NAB1: variants seen among roughly 807,000 people sequenced by gnomAD.
NAB1 encodes NGFI-A binding protein 1, also known as NGFI-A-binding protein 1.
A neutral mutation model predicts 49.9 loss-of-function variants in NAB1; 25 were observed. That is an observed-to-expected ratio of 0.50 (90% confidence interval 0.37 to 0.70). The LOEUF (loss-of-function observed/expected upper bound fraction) is 0.70, where lower values mean the gene tolerates loss of function less well. Among genes scored for constraint, NAB1 ranks in the 30% least tolerant of loss-of-function variants. NAB1 has a pLI of 0.00. For synonymous variants in NAB1, 198 were observed against 215.6 expected (o/e 0.92, Z 0.71); for missense variants, 489 against 575.9 (o/e 0.85, Z 1.54).
chr2:190,651,359 C>T lies in NAB1; in HGVS notation c.-197+1377C>T, dbSNP rs550883757. Among the ~76,000 whole-genome samples, 23 of 152,288 alleles carry T rather than the reference C, an allele frequency of 1.5e-4. No homozygotes were observed. Among genetic ancestry groups the T allele is most frequent in the Non-Finnish European group, 2.9e-4 (20 of 68,020 alleles). Reference sequence around the variant, plus strand: ...ATGTTTATTCTCCTTGTTAGAGAAACACTGAAAGCATTAGGTATTTTCATC... The same window carrying T: ...ATGTTTATTCTCCTTGTTAGAGAAATACTGAAAGCATTAGGTATTTTCATC... On this transcript the variant is annotated intron_variant, in intron 2 of 9. Transcript: ENST00000337386. This position sits in a 1 kb window ranked among gnomAD's most constrained non-coding sequence, Gnocchi z 4.3.
intron 2 of NAB1, among the ~76,000 whole-genome samples, chr2:190,653,151 C>T (rs1290076046): frequency 6.6e-6 from 1 of 152,130 alleles, no homozygotes; most frequent in Non-Finnish European, 1.5e-5. Context: ...CTCTCGTGTA[C>T]CCATTTCACC....
At position 190,654,305 on chromosome 2, in the gene NAB1, A is replaced by G. The variant is rs914997164; in HGVS notation, c.-196-1672A>G. ...CTGCTTCTTGTCTCTCCTTGCTCTTAACTGACTCTCCATGAAGGACTGTCT... is the reference window on the plus strand; with the variant it reads ...CTGCTTCTTGTCTCTCCTTGCTCTTGACTGACTCTCCATGAAGGACTGTCT... On this transcript the variant is annotated intron_variant, in intron 2 of 9. Transcript: ENST00000337386. This position sits in a 1 kb window ranked among gnomAD's most constrained non-coding sequence, Gnocchi z 5.6. 1.3e-5 allele frequency among the ~76,000 whole-genome samples: 2 copies of G among 152,240 alleles called. No homozygotes were observed. Among genetic ancestry groups the G allele is most frequent in the Non-Finnish European group, 2.9e-5 (2 of 68,012 alleles).
chr2:190,659,144 T>TC lies in NAB1; in HGVS notation c.-19-14_-19-13insC. On this transcript the variant is annotated splice_polypyrimidine_tract_variant and intron_variant, in intron 3 of 9. Transcript: ENST00000337386. The surrounding 1 kb of genome is among the most constrained non-coding windows in gnomAD (Gnocchi z 6.2). The stretch of plus-strand genomic sequence containing the variant: ...AGTATGATGAGTTTTTACTTTTTTT[T>TC]TTTTTTTTGGCAGGTTAAACCCATC... 2.1e-6 allele frequency: 3 copies of TC among 1,440,976 alleles called. No homozygotes were observed. Among genetic ancestry groups the TC allele is most frequent in the Non-Finnish European group, 2.8e-6 (3 of 1,087,040 alleles). The allele number at this position is 1,440,976 out of a possible 1,614,324, so 89.3% of individuals were successfully genotyped here.
chr2:190,687,890 A>G (rs1695698335), intron 9 of NAB1, among the ~76,000 whole-genome samples: 1 of 152,222 alleles, frequency 6.6e-6, no homozygotes, highest in Admixed American at 6.5e-5. Flanking sequence ...GATGGACTAC[A>G]TGTTTGCTTT....
Position 190,663,011 on chromosome 2 carries a change from C to T in NAB1, c.819+3016C>T, listed in dbSNP as rs1485065991. 2.0e-5 allele frequency among the ~76,000 whole-genome samples: 3 copies of T among 152,172 alleles called. No homozygotes were observed. The South Asian group carries it at 6.2e-4, about 32-fold the overall frequency. ...TTTCAGAGGAGGCCAGCAATTTCACCTTTGAGAGAGGAGGAATGCTGAATC... is the reference window on the plus strand; with the variant it reads ...TTTCAGAGGAGGCCAGCAATTTCACTTTTGAGAGAGGAGGAATGCTGAATC... On this transcript the variant is annotated intron_variant, in intron 4 of 9. Transcript: ENST00000337386. The surrounding 1 kb of genome is among the most constrained non-coding windows in gnomAD (Gnocchi z 4.2).
At position 190,691,814 on chromosome 2, in the gene NAB1, A is replaced by C. The variant is rs1695944261; in HGVS notation, c.*1481A>C. ...CTAGATCATAATTGTAAAAAATATT[A>C]AGTCATAATCTGTTACACTAAAATT... On this transcript the variant is annotated 3_prime_UTR_variant, in exon 10 of 10. Transcript: ENST00000337386. The surrounding 1 kb of genome is among the most constrained non-coding windows in gnomAD (Gnocchi z 4.1). The C allele has an allele frequency of 6.6e-6, 1 of 152,162 alleles. No homozygotes were observed. The highest frequency in any genetic ancestry group is 2.1e-4 in the South Asian group (1 of 4,838). 9.4% of individuals were successfully genotyped at this position (152,162 alleles called of 1,614,324 possible).
At chr2:190,653,390 C>A (rs939757085) in intron 2 of NAB1, among the ~76,000 whole-genome samples, 1 of 152,182 alleles carries the variant, frequency 6.6e-6, no homozygotes, top group Non-Finnish European at 1.5e-5. Context: ...CTTAACTCTT[C>A]CCAAGGTTTT....
chr2:190,684,904 C>G lies in NAB1; in HGVS notation c.1096-572C>G, dbSNP rs114823434. ...TTTTATGATTGGTTGGGAAATACTG[C>G]AGTTTCATTTCATGATGAAGGTAAA... On this transcript the variant is annotated intron_variant, in intron 7 of 9. Coordinates refer to ENST00000337386, the MANE Select transcript of NAB1 (RefSeq NM_005966.4). This position sits in a 1 kb window ranked among gnomAD's most constrained non-coding sequence, Gnocchi z 4.6. 1.8e-3 allele frequency among the ~76,000 whole-genome samples: 267 copies of G among 152,246 alleles called. No homozygotes were observed. The highest frequency in any genetic ancestry group is 0.014 in the Middle Eastern group (4 of 294).
chr2:190,669,864 A>G lies in NAB1; in HGVS notation c.820-462A>G, dbSNP rs1341887481. ...TCTGTTTTTTACTAAGTGATTTGATAAATGTTTAAAATCATATGGTCTTGA... is the reference window on the plus strand; with the variant it reads ...TCTGTTTTTTACTAAGTGATTTGATGAATGTTTAAAATCATATGGTCTTGA... On this transcript the variant is annotated intron_variant, in intron 4 of 9. Transcript: ENST00000337386. This position sits in a 1 kb window ranked among gnomAD's most constrained non-coding sequence, Gnocchi z 4.3. Among the ~76,000 whole-genome samples, 1 of 152,190 alleles carries G rather than the reference A, an allele frequency of 6.6e-6. No individual in the cohort carries two copies. Among genetic ancestry groups the G allele is most frequent in the African/African-American group, 2.4e-5 (1 of 41,452 alleles).
At chr2:190,673,861 A>G (rs1196397883) in intron 6 of NAB1, among the ~76,000 whole-genome samples, 1 of 152,214 alleles carries the variant, frequency 6.6e-6, no homozygotes, top group Non-Finnish European at 1.5e-5. Flanking sequence ...TTTCAGAACT[A>G]TTGTTTCTTA....
Position 190,676,037 on chromosome 2 carries a change from C to A in NAB1, c.1005+2885C>A, listed in dbSNP as rs895135135. On this transcript the variant is annotated intron_variant, in intron 6 of 9. Coordinates refer to ENST00000337386, the MANE Select transcript of NAB1 (RefSeq NM_005966.4). The surrounding 1 kb of genome is among the most constrained non-coding windows in gnomAD (Gnocchi z 4.6). ...ACTGGCTGTATAAAGTTACCACTCC[C>A]TTAAAACTTTTCACCAAGTACTGGT... Among the ~76,000 whole-genome samples, 4 of 152,206 alleles carry A rather than the reference C, an allele frequency of 2.6e-5. No homozygotes were observed. Among genetic ancestry groups the A allele is most frequent in the Non-Finnish European group, 5.9e-5 (4 of 68,040 alleles).
chr2:190,661,975 T>C (rs1349824087), intron 4 of NAB1, among the ~76,000 whole-genome samples: 2 of 152,242 alleles, frequency 1.3e-5, no homozygotes, highest in African/African-American at 4.8e-5. Context: ...TTAGGTATTA[T>C]GAGAATTTTG....
rs1439888055 is a variant in NAB1 at position 190,677,507 on chromosome 2, G to A, written c.1005+4355G>A. The A allele has an allele frequency of 6.6e-6, 1 of 152,176 alleles. No homozygotes were observed. The highest frequency in any genetic ancestry group is 1.5e-5 in the Non-Finnish European group (1 of 68,024). 9.4% of individuals were successfully genotyped at this position (152,176 alleles called of 1,614,324 possible). ...TCCACTGGAACACAGCCCTCTGTGA[G>A]TCCACTTTCAGCTGAAATGAAAATA... On this transcript the variant is annotated intron_variant, in intron 6 of 9. Transcript: ENST00000337386. The surrounding 1 kb of genome is among the most constrained non-coding windows in gnomAD (Gnocchi z 5.6).
In NAB1 at chr2:190,676,653, A is replaced by C. The variant is rs1203649259; in HGVS notation, c.1005+3501A>C. The stretch of plus-strand genomic sequence containing the variant: ...GAGAATCACTGCCCCACTGCACTCC[A>C]GCCCGGGCAACAGAGCACAACCTTG... On this transcript the variant is annotated intron_variant, in intron 6 of 9. Coordinates refer to ENST00000337386, the MANE Select transcript of NAB1 (RefSeq NM_005966.4). The surrounding 1 kb of genome is among the most constrained non-coding windows in gnomAD (Gnocchi z 4.6). Among the ~76,000 whole-genome samples, 1 of 152,208 alleles carries C rather than the reference A, an allele frequency of 6.6e-6. No homozygotes were observed. The highest frequency in any genetic ancestry group is 2.4e-5 in the African/African-American group (1 of 41,454).
At position 190,651,569 on chromosome 2, in the gene NAB1, A is replaced by G. The variant is rs942925454; in HGVS notation, c.-197+1587A>G. On this transcript the variant is annotated intron_variant, in intron 2 of 9. Transcript: ENST00000337386. The surrounding 1 kb of genome is among the most constrained non-coding windows in gnomAD (Gnocchi z 4.3). ...GTCAGTTTCTAAAGAAAATATAGAC[A>G]TGGGGTCTCGCTGTGTTGCCCAGGT... Among the ~76,000 whole-genome samples the G allele has an allele frequency of 2.0e-5, 3 of 152,138 alleles. No individual in the cohort carries two copies. Among genetic ancestry groups the G allele is most frequent in the Non-Finnish European group, 4.4e-5 (3 of 68,016 alleles).
rs1261180667 is a variant in NAB1, at chr2:190,670,801, G to A, written c.953+342G>A. Among the ~76,000 whole-genome samples, 7 of 151,922 alleles carry A rather than the reference G, an allele frequency of 4.6e-5. No individual in the cohort carries two copies. The highest frequency in any genetic ancestry group is 8.8e-5 in the Non-Finnish European group (6 of 67,988). On this transcript the variant is annotated intron_variant, in intron 5 of 9. Transcript: ENST00000337386. The surrounding 1 kb of genome is among the most constrained non-coding windows in gnomAD (Gnocchi z 5.3). ...ACGTATTTGTACACCCGCTAACTACGTGAACTTGTTGAACTCTGAGGAAAT... is the reference window on the plus strand; with the variant it reads ...ACGTATTTGTACACCCGCTAACTACATGAACTTGTTGAACTCTGAGGAAAT...
rs1334307180 is a variant in NAB1 at position 190,670,759 on chromosome 2, TCAGA to T, written c.953+304_953+307del. Reference sequence around the variant, plus strand: ...TTTTGAGTGTGACGAGGGGATTTAGTCAGACAGCATTTATAGACGTATTTGTACA... The same window carrying T: ...TTTTGAGTGTGACGAGGGGATTTAGTCAGCATTTATAGACGTATTTGTACA... On this transcript the variant is annotated intron_variant, in intron 5 of 9. Coordinates refer to ENST00000337386, the MANE Select transcript of NAB1 (RefSeq NM_005966.4). This position sits in a 1 kb window ranked among gnomAD's most constrained non-coding sequence, Gnocchi z 5.3. Among the ~76,000 whole-genome samples the T allele has an allele frequency of 3.3e-5, 5 of 152,170 alleles. No individual in the cohort carries two copies. Among genetic ancestry groups the T allele is most frequent in the Non-Finnish European group, 5.9e-5 (4 of 68,028 alleles).
At chr2:190,660,569 T>C (rs940219540) in intron 4 of NAB1, among the ~76,000 whole-genome samples, 6 of 152,354 alleles carry the variant, frequency 3.9e-5, no homozygotes, top group South Asian at 2.1e-4. Flanking sequence ...TGTATAGATA[T>C]AACATTTTGT....
rs1010697219 is a variant in NAB1 at position 190,649,738 on chromosome 2, C to T, written c.-333-108C>T. 4.6e-5 allele frequency: 7 copies of T among 152,286 alleles called. No homozygotes were observed. Among genetic ancestry groups the T allele is most frequent in the Non-Finnish European group, 1.0e-4 (7 of 68,146 alleles). The allele number at this position is 152,286 out of a possible 1,614,324, so 9.4% of individuals were successfully genotyped here. On this transcript the variant is annotated intron_variant, in intron 1 of 9. Coordinates refer to ENST00000337386, the MANE Select transcript of NAB1 (RefSeq NM_005966.4). The surrounding 1 kb of genome is among the most constrained non-coding windows in gnomAD (Gnocchi z 6.1). ...GGCCCCAGAGTTTTGCAGCCACCTT[C>T]GTCAGGGCAGTCTTTTTGTTTGTTT...
Sources: allele counts gnomAD v4.1 joint callset (sites outside exome capture counted in the v4.1 genomes callset), GRCh38; gene constraint gnomAD v4.1.1; non-coding constraint Gnocchi (gnomAD v3.1); transcripts MANE v1.5; gene names NCBI Gene and HGNC (gene_info 2026-07-23, HGNC 2026-07-21).